CNOT10: variants seen among roughly 807,000 people sequenced by gnomAD.
The protein encoded by CNOT10 is CCR4-NOT transcription complex, subunit 10.
A neutral mutation model predicts 94.6 loss-of-function variants in CNOT10; 30 were observed. The ratio of observed to expected loss-of-function variants is 0.32; its 90% CI spans 0.24 to 0.43. The LOEUF (loss-of-function observed/expected upper bound fraction) is 0.43. Among genes scored for constraint, CNOT10 ranks in the 20% least tolerant of loss-of-function variants. The pLI, the probability that CNOT10 is intolerant of heterozygous loss-of-function variation, is 1.00. For synonymous variants in CNOT10, 289 were observed against 301.6 expected (o/e 0.96, Z 0.43); for missense variants, 759 against 877.2 (o/e 0.87, Z 1.70).
At chr3:32,747,141 G>T (rs1229050039) in intron 13 of CNOT10, among the ~76,000 whole-genome samples, 1 of 151,554 alleles carries the variant, frequency 6.6e-6, no homozygotes, top group Non-Finnish European at 1.5e-5. Context: ...AATAGGCTTG[G>T]CAGGTGGCTC....
Position 32,737,429 on chromosome 3 carries a change from G to T in CNOT10, c.1534G>T (p.Asp512Tyr). Residue 512 changes from aspartate to tyrosine, a missense_variant, in exon 13 of 19, where the codon GAT (aspartate) becomes TAT (tyrosine). Coordinates refer to ENST00000328834, the MANE Select transcript of CNOT10 (RefSeq NM_015442.3). ...ETCSSKSHDG[D>Y]KFIPAPPSSP... is the part of the protein sequence containing the mutation. ...TTTTAGCAGTAAAAGCCATGATGGA[G>T]ATAAATTCATTCCAGCTCCACCTTC... 1 of 1,610,404 alleles carries T rather than the reference G, an allele frequency of 6.2e-7. No homozygotes were observed. Among genetic ancestry groups the T allele is most frequent in the Non-Finnish European group, 8.5e-7 (1 of 1,176,874 alleles).
At chr3:32,700,862 T>C (rs532696305) in intron 1 of CNOT10, among the ~76,000 whole-genome samples, 1 of 152,244 alleles carries the variant, frequency 6.6e-6, no homozygotes, top group Non-Finnish European at 1.5e-5. Flanking sequence ...TAGTGGTGCA[T>C]GGAGCTTTTG....
At chr3:32,739,864 G>A (rs188760718) in intron 13 of CNOT10, among the ~76,000 whole-genome samples, 1 of 152,122 alleles carries the variant, frequency 6.6e-6, no homozygotes, top group Non-Finnish European at 1.5e-5. Flanking sequence ...GGCAGAAGTT[G>A]CAGTAAGCCA....
At chr3:32,718,944 A>G (rs903622496) in intron 7 of CNOT10, among the ~76,000 whole-genome samples, 15 of 152,178 alleles carry the variant, frequency 9.9e-5, no homozygotes, top group East Asian at 1.9e-4. Context: ...GGGAAGCCCC[A>G]TCTCTACTAA....
intron 1 of CNOT10, among the ~76,000 whole-genome samples, chr3:32,685,877 T>TA: frequency 6.6e-6 from 1 of 152,120 alleles, no homozygotes; most frequent in African/African-American, 2.4e-5. Flanking sequence ...ACCTGGGCTG[T>TA]TTTGACCACA....
At chr3:32,770,446 C>A (rs1700852834) in intron 18 of CNOT10, among the ~76,000 whole-genome samples, 1 of 149,400 alleles carries the variant, frequency 6.7e-6, no homozygotes, top group South Asian at 2.1e-4. Context: ...CTGCCTCAGC[C>A]TCCTGAGTAG....
In CNOT10 at chr3:32,754,489, A is replaced by AAATAT. The variant is rs77878221; in HGVS notation, c.1596-4968_1596-4967insATATA. Among the ~76,000 whole-genome samples, 286 of 70,204 alleles carry AAATAT rather than the reference A, an allele frequency of 4.1e-3. 22 individuals carry two copies. Among genetic ancestry groups the AAATAT allele is most frequent in the East Asian group, 0.012 (19 of 1,624 alleles). The allele number at this position is 70,204 out of a possible 152,430, so 46.1% of individuals were successfully genotyped here. A position where few individuals can be genotyped will look rare whatever the true frequency, so the allele number is the denominator to read the frequency against. On this transcript the variant is annotated intron_variant, in intron 13 of 18. Coordinates refer to ENST00000328834, the MANE Select transcript of CNOT10 (RefSeq NM_015442.3). ...AAGACTCCGTCTCAAAAAAAAAAAA[A>AAATAT]ATACATATATATATATATATTTATT...
At chr3:32,718,452 C>T (rs998456080) in intron 7 of CNOT10, among the ~76,000 whole-genome samples, 40 of 150,296 alleles carry the variant, frequency 2.7e-4, no homozygotes, top group African/African-American at 9.5e-4. Context: ...GGCGTGGTGG[C>T]GGGCGCCTGT....
At chr3:32,720,279 A>G (rs1430949025) in intron 8 of CNOT10, 48 bp downstream of exon 8, 2 of 887,310 alleles carry the variant, frequency 2.3e-6, no homozygotes, top group African/African-American at 3.2e-5. Flanking sequence ...TTGCTCTTCT[A>G]CCCCTTCTTG....
intron 13 of CNOT10, among the ~76,000 whole-genome samples, chr3:32,751,341 A>G (rs1699958080): frequency 6.6e-6 from 1 of 152,272 alleles, no homozygotes; most frequent in South Asian, 2.1e-4. Flanking sequence ...GCTGAGCTCA[A>G]GCAATTCTCC....
At chr3:32,712,513 C>T (rs920869579) in intron 4 of CNOT10, among the ~76,000 whole-genome samples, 2 of 152,092 alleles carry the variant, frequency 1.3e-5, no homozygotes, top group Non-Finnish European at 2.9e-5. Flanking sequence ...AAAATGCTAC[C>T]ATGAGCATTT....
chr3:32,687,835 A>G (rs1696697146), intron 1 of CNOT10: 1 of 152,152 alleles, frequency 6.6e-6, no homozygotes, highest in South Asian at 2.1e-4. Flanking sequence ...AGCTCTTCAC[A>G]TCATAAATTA....
At chr3:32,769,425 T>G (rs1042095971) in intron 17 of CNOT10, 6 of 168,590 alleles carry the variant, frequency 3.6e-5, no homozygotes, top group African/African-American at 1.4e-4. Context: ...TTGGACTAAA[T>G]TGAAGTGTGT....
chr3:32,721,429 C>CTTTTT (rs58351356), intron 8 of CNOT10, among the ~76,000 whole-genome samples: 293 of 72,456 alleles, frequency 4.0e-3, no homozygotes, highest in Middle Eastern at 0.013. Context: ...TTTCTTTCAT[C>CTTTTT]TTTTTTTTTT....
At chr3:32,702,319 A>G (rs2125511302) in intron 1 of CNOT10, among the ~76,000 whole-genome samples, 1 of 152,316 alleles carries the variant, frequency 6.6e-6, no homozygotes, top group South Asian at 2.1e-4. Context: ...AGTACTTAAC[A>G]CACTTTTGCT....
intron 13 of CNOT10, chr3:32,753,409 T>A: frequency 1.4e-6 from 2 of 1,469,924 alleles, no homozygotes; most frequent in Non-Finnish European, 1.9e-6. Context: ...AAATGTGGAA[T>A]TTTCAGAAAA....
intron 5 of CNOT10, 56 bp downstream of exon 5, chr3:32,713,425 T>A (rs1243710719): frequency 7.2e-7 from 1 of 1,384,322 alleles, no homozygotes; most frequent in Non-Finnish European, 9.8e-7. Flanking sequence ...TTCTCTCTAC[T>A]TGTTGGTTTA....
chr3:32,688,645 C>T (rs1284698577), intron 1 of CNOT10, among the ~76,000 whole-genome samples: 1 of 151,458 alleles, frequency 6.6e-6, no homozygotes, highest in Non-Finnish European at 1.5e-5. Context: ...GAGAGGCTGT[C>T]TGCAGTTGCT....
rs141468678 is a variant in CNOT10, at chr3:32,742,550, T to C, written c.1595+5060T>C. On this transcript the variant is annotated intron_variant, in intron 13 of 18. Transcript: ENST00000328834. ...GCATGTGCCACCACACCCGGCTAAT[T>C]TTTGTATTTTTGGTAGAGATGGGGT... 5.2e-3 allele frequency among the ~76,000 whole-genome samples: 796 copies of C among 152,128 alleles called. 6 individuals are homozygous for C. Among genetic ancestry groups the C allele is most frequent in the African/African-American group, 0.018 (733 of 41,490 alleles).
Sources: gnomAD v4.1 joint callset for allele counts (sites outside exome capture counted in the v4.1 genomes callset) on GRCh38, gnomAD v4.1.1 for gene constraint, MANE v1.5 for transcripts, NCBI Gene and HGNC (gene_info 2026-07-23, HGNC 2026-07-21) for gene names.